Variants in ZNF277 observed in about 807,000 individuals in gnomAD.
ZNF277 encodes the protein nuclear receptor-interacting factor 4.
Under a neutral mutation model 60.7 loss-of-function variants are expected in ZNF277, and 55 were observed. The observed-to-expected ratio is 0.91, with a 90% CI of 0.73 to 1.13. The LOEUF is 1.13. Among genes scored for constraint, ZNF277 ranks in the 50% most tolerant of loss-of-function variants. The pLI is 0.00. For missense variants in ZNF277, 510 were observed against 523.0 expected (o/e 0.98, Z 0.24); for synonymous variants, 178 against 179.3 (o/e 0.99, Z 0.06).
intron 1 of ZNF277, among the ~76,000 whole-genome samples, chr7:112,213,502 G>A (rs1169603165): frequency 6.6e-6 from 1 of 152,144 alleles, no homozygotes; most frequent in East Asian, 1.9e-4. Context: ...GTGTATGATA[G>A]CTAACATTTT....
intron 4 of ZNF277, among the ~76,000 whole-genome samples, chr7:112,311,583 G>A (rs1036798288): frequency 3.3e-5 from 5 of 151,770 alleles, no homozygotes; most frequent in Non-Finnish European, 5.9e-5. Context: ...GCACATCTTC[G>A]ATTTGCACAT....
chr7:112,323,587 G>A (rs1793034710), intron 5 of ZNF277, among the ~76,000 whole-genome samples: 1 of 152,218 alleles, frequency 6.6e-6, no homozygotes, highest in Non-Finnish European at 1.5e-5. Context: ...GCTAAGGGGA[G>A]GAGAATGGAA....
rs35887204 is a variant in ZNF277 at position 112,274,042 on chromosome 7, GATAT to G, written c.92-12816_92-12813del. Among the ~76,000 whole-genome samples the G allele has an allele frequency of 7.8e-3, 1,157 of 147,534 alleles. 12 individuals are homozygous for G. Among genetic ancestry groups the G allele is most frequent in the African/African-American group, 0.027 (1,095 of 40,542 alleles). On this transcript the variant is annotated intron_variant, in intron 1 of 11. Transcript: ENST00000361822. ...AATTATATATTAATATATAGTATGAGATATATATATATATATATCTTGTTAGAAA... is the reference window on the plus strand; with the variant it reads ...AATTATATATTAATATATAGTATGAGATATATATATATATCTTGTTAGAAA...
chr7:112,301,684 C>T (rs1792473781), intron 4 of ZNF277, among the ~76,000 whole-genome samples: 1 of 152,186 alleles, frequency 6.6e-6, no homozygotes, highest in Admixed American at 6.5e-5. Flanking sequence ...CATATGCCAC[C>T]TGTCAAAATT....
chr7:112,233,825 C>A (rs1822407984), intron 1 of ZNF277, among the ~76,000 whole-genome samples: 1 of 152,092 alleles, frequency 6.6e-6, no homozygotes, highest in Admixed American at 6.5e-5. Context: ...GTTATTAATA[C>A]ACCTTTTCTA....
At chr7:112,321,088 A>T (rs1267309225) in intron 5 of ZNF277, among the ~76,000 whole-genome samples, 1 of 150,322 alleles carries the variant, frequency 6.7e-6, no homozygotes, top group Admixed American at 6.7e-5. Context: ...CGCCCGGCAA[A>T]TTTTTTGTAT....
chr7:112,248,994 C>CA (rs1791142496), intron 1 of ZNF277, among the ~76,000 whole-genome samples: 1 of 152,126 alleles, frequency 6.6e-6, no homozygotes, highest in Non-Finnish European at 1.5e-5. Context: ...CTGTTACTTC[C>CA]ATCCTGTTGA....
At chr7:112,215,825 G>GC (rs1563193388) in intron 1 of ZNF277, among the ~76,000 whole-genome samples, 1 of 151,964 alleles carries the variant, frequency 6.6e-6, no homozygotes, top group Non-Finnish European at 1.5e-5. Context: ...AGAGAGGTTT[G>GC]TTTTTTTACT....
rs181340388 is a variant in ZNF277 at position 112,230,693 on chromosome 7, G to A, written c.91+23886G>A. Reference sequence around the variant, plus strand: ...TCTAAATGAGAGTACATTTTTCAGAGTCATGCTTTTCTTATTTCTAAGGAA... The same window carrying A: ...TCTAAATGAGAGTACATTTTTCAGAATCATGCTTTTCTTATTTCTAAGGAA... On this transcript the variant is annotated intron_variant, in intron 1 of 11. Coordinates refer to ENST00000361822, the MANE Select transcript of ZNF277 (RefSeq NM_021994.3). Among the ~76,000 whole-genome samples, 9 of 152,214 alleles carry A rather than the reference G, an allele frequency of 5.9e-5. No homozygotes were observed. The East Asian group carries it at 1.7e-3, about 29-fold the overall frequency.
chr7:112,335,906 G>T (rs1387379873), intron 7 of ZNF277, among the ~76,000 whole-genome samples, 198 bp from the exon 8 acceptor site: 1 of 152,130 alleles, frequency 6.6e-6, no homozygotes, highest in African/African-American at 2.4e-5. Context: ...CTTTTGCACT[G>T]TCATTAAGTC....
intron 1 of ZNF277, among the ~76,000 whole-genome samples, chr7:112,281,386 G>A (rs1028207025): frequency 3.3e-5 from 5 of 152,178 alleles, no homozygotes; most frequent in African/African-American, 1.2e-4. Flanking sequence ...CTCTGGTAGA[G>A]TGGTATTACT....
chr7:112,270,119 A>T (rs1273227620), intron 1 of ZNF277, among the ~76,000 whole-genome samples: 1 of 152,118 alleles, frequency 6.6e-6, no homozygotes, highest in African/African-American at 2.4e-5. Context: ...TCCCCATAAA[A>T]AAAGCGTAAT....
At chr7:112,219,106 C>T (rs1156307641) in intron 1 of ZNF277, among the ~76,000 whole-genome samples, 1 of 152,174 alleles carries the variant, frequency 6.6e-6, no homozygotes, top group Admixed American at 6.5e-5. Flanking sequence ...GTTGCCTTTT[C>T]TCCACACTCT....
intron 1 of ZNF277, among the ~76,000 whole-genome samples, chr7:112,224,401 T>C (rs755338717): frequency 6.6e-6 from 1 of 152,194 alleles, no homozygotes; most frequent in East Asian, 1.9e-4. Context: ...GGGCCAGGGA[T>C]TGGATAAGCT....
intron 4 of ZNF277, among the ~76,000 whole-genome samples, chr7:112,316,997 A>G (rs1792860379): frequency 6.6e-6 from 1 of 152,082 alleles, no homozygotes; most frequent in Non-Finnish European, 1.5e-5. Flanking sequence ...TCATGTCCTT[A>G]GCAAGGACAT....
intron 1 of ZNF277, among the ~76,000 whole-genome samples, chr7:112,234,607 A>G (rs895074706): frequency 6.6e-6 from 1 of 152,168 alleles, no homozygotes; most frequent in Non-Finnish European, 1.5e-5. Context: ...CATTATTCGT[A>G]ACAGTACTAA....
At chr7:112,258,506 T>C (rs1037305116) in intron 1 of ZNF277, among the ~76,000 whole-genome samples, 5 of 152,094 alleles carry the variant, frequency 3.3e-5, no homozygotes, top group African/African-American at 7.2e-5. Flanking sequence ...TCAAATTTAA[T>C]TGGGCATGCT....
chr7:112,297,295 A>G (rs1781457713), intron 4 of ZNF277, among the ~76,000 whole-genome samples: 1 of 152,158 alleles, frequency 6.6e-6, no homozygotes, highest in African/African-American at 2.4e-5. Flanking sequence ...TTAAAAGTAC[A>G]TGGGTTCCCA....
intron 4 of ZNF277, among the ~76,000 whole-genome samples, chr7:112,303,334 T>C (rs1792521720): frequency 6.6e-6 from 1 of 152,082 alleles, no homozygotes; most frequent in Non-Finnish European, 1.5e-5. Flanking sequence ...AAATAAATAA[T>C]AATATTCTGT....
Sources: allele counts gnomAD v4.1 joint callset (sites outside exome capture counted in the v4.1 genomes callset), GRCh38; gene constraint gnomAD v4.1.1; transcripts MANE v1.5; gene names NCBI Gene and HGNC (gene_info 2026-07-23, HGNC 2026-07-21).